VWA3B: variants seen among roughly 807,000 people sequenced by gnomAD.
VWA3B encodes von Willebrand factor A domain containing 3B.
VWA3B carries 138 observed loss-of-function variants against 158.3 expected under a neutral mutation model. The ratio of observed to expected loss-of-function variants is 0.87; its 90% CI spans 0.76 to 1.00. The LOEUF (loss-of-function observed/expected upper bound fraction) is 1.00, where lower values mean the gene tolerates loss of function less well. VWA3B is among the 50% of genes least tolerant of loss of function. The pLI, the probability that VWA3B is intolerant of heterozygous loss-of-function variation, is 0.00. For synonymous variants in VWA3B, 596 were observed against 587.3 expected (o/e 1.01, Z -0.21); for missense variants, 1,555 against 1,565.1 (o/e 0.99, Z 0.11).
chr2:98,121,068 T>G (rs1266832239), intron 4 of VWA3B, among the ~76,000 whole-genome samples: 2 of 152,266 alleles, frequency 1.3e-5, no homozygotes, highest in African/African-American at 2.4e-5. Flanking sequence ...ATGTAAACAT[T>G]GTTTTTCCTA....
chr2:98,290,057 T>C (rs1458249292), intron 22 of VWA3B, among the ~76,000 whole-genome samples: 1 of 152,220 alleles, frequency 6.6e-6, no homozygotes, highest in East Asian at 1.9e-4. Context: ...GGTATATTAG[T>C]CTGCTTCTAC....
In VWA3B at chr2:98,128,245, T is replaced by A. The variant is rs1189045641; in HGVS notation, c.709T>A (p.Ser237Thr). 2.5e-6 allele frequency: 4 copies of A among 1,613,972 alleles called. No homozygotes were observed. Among genetic ancestry groups the A allele is most frequent in the Non-Finnish European group, 3.4e-6 (4 of 1,179,960 alleles). The change falls in exon 6 of 28, where the codon TCC (serine) becomes ACC (threonine). Residue 237 changes from serine (S) to threonine (T), a missense_variant. Ser to Thr is a moderately conservative substitution (Grantham distance 58). Transcript: ENST00000477737. ...LEAGRDKTIESIYYFVVGDVP... is the reference protein window; with the variant it reads ...LEAGRDKTIETIYYFVVGDVP... ...TGGCACCACTGTTTTGCAGATTGAA[T>A]CCATTTACTACTTTGTGGTGGGGGA... is the stretch of plus-strand genomic sequence containing the variant.
rs1246348288 is a variant in VWA3B, at chr2:98,182,192, C to T, written c.1311+980C>T. Among the ~76,000 whole-genome samples, 3 of 152,180 alleles carry T rather than the reference C, an allele frequency of 2.0e-5. No individual in the cohort carries two copies. In the East Asian group the frequency reaches 5.8e-4, roughly 29 times the overall value. The stretch of plus-strand genomic sequence containing the variant: ...GGAAAGAAAATCAAGGCCCCCCCCT[C>T]AAATGCAGTGTCACCTCATGTATTC... On this transcript the variant is annotated intron_variant, in intron 9 of 27. Transcript: ENST00000477737.
chr2:98,124,291 AT>A (rs1235941295), intron 5 of VWA3B, among the ~76,000 whole-genome samples: 2 of 152,234 alleles, frequency 1.3e-5, no homozygotes. Context: ...TGTGGGTCCC[AT>A]TTCCAAGCTA....
intron 26 of VWA3B, among the ~76,000 whole-genome samples, chr2:98,304,562 C>T (rs1000729372): frequency 1.3e-5 from 2 of 152,164 alleles, no homozygotes; most frequent in Non-Finnish European, 2.9e-5. Flanking sequence ...AACCATCAGA[C>T]ATCCTCTCCC....
chr2:98,269,004 G>A (rs766028943), intron 21 of VWA3B, among the ~76,000 whole-genome samples: 5 of 152,078 alleles, frequency 3.3e-5, no homozygotes, highest in Middle Eastern at 3.2e-3. Context: ...AGACAAGAAG[G>A]GGGGCAAATG....
intron 26 of VWA3B, among the ~76,000 whole-genome samples, chr2:98,306,593 C>T (rs567448902): frequency 1.3e-5 from 2 of 152,266 alleles, no homozygotes; most frequent in East Asian, 1.9e-4. Context: ...GTGGGTCTTG[C>T]TTCTGGTTCC....
rs930515874 is a variant in VWA3B at position 98,209,269 on chromosome 2, G to GT, written c.1738-2654dup. 1.1e-4 allele frequency among the ~76,000 whole-genome samples: 17 copies of GT among 151,910 alleles called. No homozygotes were observed. The East Asian group carries it at 2.5e-3, about 22-fold the overall frequency. On this transcript the variant is annotated intron_variant, in intron 12 of 27. Transcript: ENST00000477737. ...AGTTTCTGTATCTTTAACCAAATTT[G>GT]TTTTTTTGTTTGTTTGTTTGTTTGT...
Position 98,217,868 on chromosome 2 carries a change from A to G in VWA3B, c.1859A>G (p.Gln620Arg). Residue 620 changes from glutamine to arginine, a missense_variant, in exon 14 of 28, where the codon CAG becomes CGG. Physicochemically the swap from Gln to Arg is conservative, Grantham distance 43 (BLOSUM62 1). Transcript: ENST00000477737. ...CAGCCACCTGAAACAGTTATAGACCAGGTCAAACGTTTTCAGGAAATTCCT... is the reference window on the plus strand; with the variant it reads ...CAGCCACCTGAAACAGTTATAGACCGGGTCAAACGTTTTCAGGAAATTCCT... ...PDQPPETVID[Q>R]VKRFQEIPIY... The G allele has an allele frequency of 6.2e-7, 1 of 1,607,784 alleles. No individual in the cohort carries two copies. The highest frequency in any genetic ancestry group is 8.5e-7 in the Non-Finnish European group (1 of 1,177,976).
chr2:98,322,192 C>T, the VWA3B span, among the ~76,000 whole-genome samples: 1 of 152,130 alleles, frequency 6.6e-6, no homozygotes, highest in Non-Finnish European at 1.5e-5. Flanking sequence ...TAAGTTACCT[C>T]TATTTAAAGG....
chr2:98,148,086 T>A (rs1677322081), intron 7 of VWA3B, among the ~76,000 whole-genome samples: 1 of 152,200 alleles, frequency 6.6e-6, no homozygotes. Flanking sequence ...ATATGTGTTG[T>A]GTGGTGTATT....
At chr2:98,237,883 G>A (rs13431508) in intron 19 of VWA3B, among the ~76,000 whole-genome samples, 4,902 of 152,180 alleles carry the variant, frequency 0.032, 235 homozygotes, top group African/African-American at 0.11. Flanking sequence ...AGTAGTGGGC[G>A]GGGGAGAGTA....
chr2:98,175,298 T>C (rs1364811058), intron 8 of VWA3B, among the ~76,000 whole-genome samples: 1 of 152,172 alleles, frequency 6.6e-6, no homozygotes, highest in Non-Finnish European at 1.5e-5. Context: ...TACAGGAAAC[T>C]ATGTCTAAAG....
At chr2:98,136,574 C>T (rs1249982547) in intron 7 of VWA3B, among the ~76,000 whole-genome samples, 3 of 151,196 alleles carry the variant, frequency 2.0e-5, no homozygotes, top group African/African-American at 7.3e-5. Context: ...GAATGCTGCA[C>T]CCTCACGGGC....
chr2:98,154,491 C>T (rs886370327), intron 7 of VWA3B, among the ~76,000 whole-genome samples: 6 of 152,134 alleles, frequency 3.9e-5, no homozygotes, highest in African/African-American at 7.2e-5. Flanking sequence ...GGAGAGTAAG[C>T]CCCTAAGCCC....
intron 14 of VWA3B, among the ~76,000 whole-genome samples, chr2:98,221,170 A>G (rs938883180): frequency 2.0e-5 from 3 of 151,794 alleles, no homozygotes; most frequent in African/African-American, 7.3e-5. Flanking sequence ...GTCATTCTCC[A>G]AGTTCTGAGG....
intron 7 of VWA3B, among the ~76,000 whole-genome samples, chr2:98,134,706 A>G (rs1377018462): frequency 2.6e-5 from 4 of 152,016 alleles, no homozygotes; most frequent in East Asian, 1.9e-4. Context: ...TAAATTATCA[A>G]ACAGATTTCT....
intron 7 of VWA3B, among the ~76,000 whole-genome samples, chr2:98,158,872 C>T (rs551218188): frequency 6.6e-6 from 1 of 152,258 alleles, no homozygotes; most frequent in Non-Finnish European, 1.5e-5. Context: ...GCTTTGAACC[C>T]TGACCTCAAT....
intron 12 of VWA3B, among the ~76,000 whole-genome samples, chr2:98,203,568 T>C (rs981375034): frequency 1.3e-5 from 2 of 152,236 alleles, no homozygotes; most frequent in African/African-American, 2.4e-5. Flanking sequence ...ATGAATACAG[T>C]ATGTCTCTCT....
Sources: gnomAD v4.1 joint callset for allele counts (sites outside exome capture counted in the v4.1 genomes callset) on GRCh38, gnomAD v4.1.1 for gene constraint, MANE v1.5 for transcripts, NCBI Gene and HGNC (gene_info 2026-07-23, HGNC 2026-07-21) for gene names.